Variants in SDK1 observed in about 807,000 individuals in gnomAD.
The protein encoded by SDK1 is sidekick cell adhesion molecule 1, also known as protein sidekick-1.
Under a neutral mutation model 245.5 loss-of-function variants are expected in SDK1, and 157 were observed. The observed-to-expected ratio is 0.64, with a 90% confidence interval of 0.56 to 0.73. SDK1 has a LOEUF of 0.73. SDK1 is among the 30% of genes least tolerant of loss of function. SDK1 has a pLI of 0.00. For synonymous variants in SDK1, 1,647 were observed against 1,278.5 expected, an observed-to-expected ratio of 1.29 and a Z score of -6.15; for missense variants, 3,583 against 3,002.3, an observed-to-expected ratio of 1.19 and a Z score of -4.52.
chr7:3,820,661 T>G (rs1281592535), intron 4 of SDK1, among the ~76,000 whole-genome samples: 1 of 152,250 alleles, frequency 6.6e-6, no homozygotes, highest in Non-Finnish European at 1.5e-5. Context: ...AGTATTAATC[T>G]GCCTGTGAAA....
At chr7:3,337,055 A>AGAATATCAATCCAG (rs1272166781) in intron 1 of SDK1, among the ~76,000 whole-genome samples, 6 of 152,214 alleles carry the variant, frequency 3.9e-5, no homozygotes, top group Admixed American at 3.9e-4. Flanking sequence ...ACTCATACCA[A>AGAATATCAATCCAG]GATCCAGGAA....
At chr7:3,574,409 C>T (rs1215675875) in intron 1 of SDK1, among the ~76,000 whole-genome samples, 4 of 152,086 alleles carry the variant, frequency 2.6e-5, no homozygotes, top group Non-Finnish European at 5.9e-5. Flanking sequence ...AGCCACCGTG[C>T]CCGGCTCACA....
At chr7:3,545,691 C>T (rs938574488) in intron 1 of SDK1, among the ~76,000 whole-genome samples, 1 of 152,128 alleles carries the variant, frequency 6.6e-6, no homozygotes, top group African/African-American at 2.4e-5. Context: ...AGCATTTTAC[C>T]AGGCCAGAGC....
intron 32 of SDK1, 128 bp from the exon 33 acceptor site, chr7:4,174,094 C>T (rs1460041838): frequency 1.0e-6 from 1 of 953,576 alleles, no homozygotes; most frequent in South Asian, 1.5e-5. Context: ...GAATCTGACA[C>T]CTGTCGCTGG....
rs1324758335 is a variant in SDK1 at position 4,043,342 on chromosome 7, AG to A, written c.2603-6005del. ...CACAGCCGGGGGCCCAGGTAGAGTG[AG>A]TGTCACAGCCAGGGACCCAGGCAGA... On this transcript the variant is annotated intron_variant, in intron 17 of 44. Coordinates refer to ENST00000404826, the MANE Select transcript of SDK1 (RefSeq NM_152744.4). 2.0e-5 allele frequency among the ~76,000 whole-genome samples: 3 copies of A among 148,608 alleles called. No homozygotes were observed. In the East Asian group the frequency reaches 6.0e-4, roughly 30 times the overall value.
At chr7:3,448,354 C>T (rs915404440) in intron 1 of SDK1, among the ~76,000 whole-genome samples, 1 of 151,932 alleles carries the variant, frequency 6.6e-6, no homozygotes, top group African/African-American at 2.4e-5. Flanking sequence ...TATTGAGTTG[C>T]CTTTTACTTA....
At chr7:3,831,256 A>C (rs1779905775) in intron 5 of SDK1, among the ~76,000 whole-genome samples, 1 of 152,202 alleles carries the variant, frequency 6.6e-6, no homozygotes, top group Admixed American at 6.5e-5. Context: ...AACTGTATTT[A>C]CTCAGTAGTT....
At chr7:3,470,233 A>G (rs1402239257) in intron 1 of SDK1, among the ~76,000 whole-genome samples, 1 of 152,130 alleles carries the variant, frequency 6.6e-6, no homozygotes, top group Non-Finnish European at 1.5e-5. Flanking sequence ...CTTTAAACAA[A>G]TATGCACAGA....
chr7:3,753,213 A>G (rs1386294407), intron 4 of SDK1, among the ~76,000 whole-genome samples: 7 of 152,236 alleles, frequency 4.6e-5, no homozygotes. Flanking sequence ...TTCAACCTGA[A>G]TGTATGGAAA....
chr7:3,450,520 A>T (rs1263838755), intron 1 of SDK1, among the ~76,000 whole-genome samples: 1 of 152,158 alleles, frequency 6.6e-6, no homozygotes, highest in Non-Finnish European at 1.5e-5. Context: ...GTCTAGGATG[A>T]TACGTAGATT....
chr7:3,969,804 G>C lies in SDK1; in HGVS notation c.1714+380G>C, dbSNP rs1443902081. Among the ~76,000 whole-genome samples, 13 of 152,128 alleles carry C rather than the reference G, an allele frequency of 8.5e-5. No individual in the cohort carries two copies. In the East Asian group the frequency reaches 2.3e-3, roughly 27 times the overall value. ...TAATATTTTGCTAAACATTTGTTAGGGACAACTAAAACACTTCTAATACAC... is the reference window on the plus strand; with the variant it reads ...TAATATTTTGCTAAACATTTGTTAGCGACAACTAAAACACTTCTAATACAC... On this transcript the variant is annotated intron_variant, in intron 11 of 44. Coordinates refer to ENST00000404826, the MANE Select transcript of SDK1 (RefSeq NM_152744.4).
chr7:4,230,213 G>A (rs1785666118), intron 40 of SDK1, among the ~76,000 whole-genome samples: 1 of 148,040 alleles, frequency 6.8e-6, no homozygotes, highest in East Asian at 2.1e-4. Flanking sequence ...ATGAGTAGAT[G>A]TGTGGATGGA....
chr7:4,155,354 G>A (rs1465513756), intron 30 of SDK1, among the ~76,000 whole-genome samples: 1 of 152,210 alleles, frequency 6.6e-6, no homozygotes, highest in African/African-American at 2.4e-5. Flanking sequence ...GTCCTCCTTT[G>A]CACCCAAACC....
At chr7:3,516,801 G>A (rs1782766887) in intron 1 of SDK1, among the ~76,000 whole-genome samples, 1 of 152,124 alleles carries the variant, frequency 6.6e-6, no homozygotes, top group African/African-American at 2.4e-5. Flanking sequence ...AAGAAATGGA[G>A]ACAAAATCAT....
chr7:3,832,098 T>A (rs1236854650), intron 5 of SDK1, among the ~76,000 whole-genome samples: 2 of 152,110 alleles, frequency 1.3e-5, no homozygotes, highest in Non-Finnish European at 2.9e-5. Flanking sequence ...TAATCATCGT[T>A]TTTAATAAAC....
chr7:4,024,250 CT>C (rs1420447494), intron 17 of SDK1, among the ~76,000 whole-genome samples: 3 of 152,178 alleles, frequency 2.0e-5, no homozygotes, highest in Non-Finnish European at 4.4e-5. Context: ...TTCACTTGGG[CT>C]TTGAAAGGTT....
chr7:3,431,171 G>A (rs903920792), intron 1 of SDK1, among the ~76,000 whole-genome samples: 7 of 152,146 alleles, frequency 4.6e-5, no homozygotes, highest in Non-Finnish European at 7.3e-5. Flanking sequence ...AAAGTGCTGG[G>A]ATTACAGGCG....
intron 1 of SDK1, among the ~76,000 whole-genome samples, chr7:3,481,257 G>C (rs1781512670): frequency 6.6e-6 from 1 of 152,144 alleles, no homozygotes. Flanking sequence ...AGACACAGAG[G>C]GTTAAGTAAC....
chr7:3,427,540 AT>A (rs1308501041), intron 1 of SDK1, among the ~76,000 whole-genome samples: 21 of 148,500 alleles, frequency 1.4e-4, no homozygotes, highest in African/African-American at 3.5e-4. Flanking sequence ...AAAAAAAAAA[AT>A]CAGAAGAATT....
Sources: allele counts gnomAD v4.1 joint callset (sites outside exome capture counted in the v4.1 genomes callset), GRCh38; gene constraint gnomAD v4.1.1; transcripts MANE v1.5; gene names NCBI Gene and HGNC (gene_info 2026-07-23, HGNC 2026-07-21).